PARP9: variants seen among roughly 807,000 people sequenced by gnomAD.
The protein encoded by PARP9 is poly(ADP-ribose) polymerase family member 9, also known as protein mono-ADP-ribosyltransferase PARP9.
A neutral mutation model predicts 68.8 loss-of-function variants in PARP9; 48 were observed. That is an observed-to-expected ratio of 0.70 (90% CI 0.55 to 0.89). The LOEUF is 0.89. PARP9 is among the 40% of genes least tolerant of loss of function. The pLI is 0.00. For missense variants in PARP9, 806 were observed against 969.3 expected, an observed-to-expected ratio of 0.83 and a Z score of 2.24; for synonymous variants, 309 against 333.8, an observed-to-expected ratio of 0.93 and a Z score of 0.81.
At chr3:122,564,320 C>G (rs1157935152), upstream of PARP9, 1 of 1,338,134 alleles carries the variant, frequency 7.5e-7, no homozygotes, top group East Asian at 2.6e-5. Context: ...AGGGAGGGAC[C>G]TCCAGGGAAG....
chr3:122,533,274 T>C (rs2077427284), intron 10 of PARP9: 1 of 152,162 alleles, frequency 6.6e-6, no homozygotes, highest in African/African-American at 2.4e-5. Context: ...ATGGTGATGA[T>C]ACTAACCAGG....
At chr3:122,561,135 G>A (rs1442851500) in intron 1 of PARP9, among the ~76,000 whole-genome samples, 1 of 152,178 alleles carries the variant, frequency 6.6e-6, no homozygotes, top group Non-Finnish European at 1.5e-5. Context: ...ACTATAACCT[G>A]GCTCCCTGCC....
chr3:122,551,248 A>G (rs1015442862), intron 5 of PARP9, among the ~76,000 whole-genome samples: 1 of 152,212 alleles, frequency 6.6e-6, no homozygotes, highest in African/African-American at 2.4e-5. Context: ...AAATGCTAAT[A>G]TTTTTGGCAG....
At chr3:122,532,148 C>A in intron 10 of PARP9, 1 of 985,558 alleles carries the variant, frequency 1.0e-6, no homozygotes, top group Non-Finnish European at 1.2e-6. Flanking sequence ...GTCTCTGGAG[C>A]AGGTGAGGAC....
At chr3:122,553,055 A>C (rs1381919565) in intron 4 of PARP9, among the ~76,000 whole-genome samples, 2 of 152,134 alleles carry the variant, frequency 1.3e-5, no homozygotes, top group Non-Finnish European at 2.9e-5. Context: ...ATAGGAAATA[A>C]AATTTCTTGG....
At chr3:122,536,065 G>A in intron 10 of PARP9, 103 bp downstream of exon 10, 11 of 1,594,600 alleles carry the variant, frequency 6.9e-6, no homozygotes, top group Non-Finnish European at 9.4e-6. Context: ...AGTCACAAAT[G>A]ATCCCTTCCC....
chr3:122,549,766 G>A (rs1052340647), intron 6 of PARP9, among the ~76,000 whole-genome samples: 7 of 151,660 alleles, frequency 4.6e-5, no homozygotes, highest in Non-Finnish European at 8.8e-5. Context: ...GAGCAACAGA[G>A]CAAGATCACA....
chr3:122,550,917 G>T, intron 5 of PARP9, 115 bp from the exon 6 acceptor site: 2 of 887,888 alleles, frequency 2.3e-6, no homozygotes, highest in Non-Finnish European at 1.8e-6. Flanking sequence ...CAGGGTTCGT[G>T]TCCCTGCCTC....
intron 6 of PARP9, among the ~76,000 whole-genome samples, chr3:122,548,761 C>T (rs2078961677): frequency 1.3e-5 from 2 of 152,172 alleles, no homozygotes; most frequent in African/African-American, 2.4e-5. Context: ...TGTTAGACCA[C>T]AGCTGATTTC....
At chr3:122,556,215 C>CACAGTCTCCTGG in intron 3 of PARP9, 94 bp from the exon 4 acceptor site, 1 of 833,860 alleles carries the variant, frequency 1.2e-6, no homozygotes, top group Non-Finnish European at 1.7e-6. Context: ...TACCAGGAGA[C>CACAGTCTCCTGG]TGTGTTTCCT....
chr3:122,552,373 T>C (rs1230999517), intron 5 of PARP9, 45 bp downstream of exon 5: 1 of 1,397,772 alleles, frequency 7.2e-7, no homozygotes, highest in Admixed American at 1.9e-5. Flanking sequence ...AAAAAGACTG[T>C]ATAGACTATG....
chr3:122,536,072 T>TC (rs1198696104), intron 10 of PARP9, 96 bp downstream of exon 10: 2 of 1,600,348 alleles, frequency 1.2e-6, no homozygotes, highest in African/African-American at 2.7e-5. Context: ...AATGATCCCT[T>TC]CCCCACAACA....
chr3:122,536,792 C>G, intron 9 of PARP9, 142 bp downstream of exon 9: 1 of 1,011,542 alleles, frequency 9.9e-7, no homozygotes, highest in Non-Finnish European at 1.4e-6. Context: ...CTGCCCTGCT[C>G]TCTTTTCAGT....
At chr3:122,539,657 T>C (rs1242301624) in intron 8 of PARP9, among the ~76,000 whole-genome samples, 1 of 151,674 alleles carries the variant, frequency 6.6e-6, no homozygotes, top group African/African-American at 2.4e-5. Flanking sequence ...GCCTCCTGGG[T>C]TCAAGTGATT....
intron 4 of PARP9, among the ~76,000 whole-genome samples, 194 bp downstream of exon 4, chr3:122,555,092 C>T (rs1559866321): frequency 6.6e-6 from 1 of 152,116 alleles, no homozygotes; most frequent in Non-Finnish European, 1.5e-5. Flanking sequence ...TGGCCTCCAA[C>T]TCCTGGGCTC....
At chr3:122,549,543 G>A (rs2079024115) in intron 6 of PARP9, among the ~76,000 whole-genome samples, 1 of 152,190 alleles carries the variant, frequency 6.6e-6, no homozygotes, top group Non-Finnish European at 1.5e-5. Flanking sequence ...AGCTTTGGGA[G>A]GCTGAGATGG....
At chr3:122,549,523 A>G (rs954547382) in intron 6 of PARP9, among the ~76,000 whole-genome samples, 1 of 152,148 alleles carries the variant, frequency 6.6e-6, no homozygotes, top group Non-Finnish European at 1.5e-5. Context: ...GCTCACACCT[A>G]TTATCCCAGA....
At chr3:122,546,156 T>C (rs984337416) in intron 6 of PARP9, among the ~76,000 whole-genome samples, 3 of 152,230 alleles carry the variant, frequency 2.0e-5, no homozygotes, top group Admixed American at 6.5e-5. Flanking sequence ...CAATTGGCAA[T>C]ATAGATGGTC....
chr3:122,531,198 G>A (rs1297666771), intron 10 of PARP9, among the ~76,000 whole-genome samples: 1 of 152,190 alleles, frequency 6.6e-6, no homozygotes, highest in African/African-American at 2.4e-5. Context: ...ATATTGAACA[G>A]TGCAGCTCTG....
Sources: allele counts gnomAD v4.1 joint callset (sites outside exome capture counted in the v4.1 genomes callset), GRCh38; gene constraint gnomAD v4.1.1; transcripts MANE v1.5; gene names NCBI Gene and HGNC (gene_info 2026-07-23, HGNC 2026-07-21).